Variants in EVC observed in about 807,000 individuals in gnomAD.
EVC encodes the protein EvC ciliary complex subunit 1.
Under a neutral mutation model 118.9 loss-of-function variants are expected in EVC, and 116 were observed. That is an observed-to-expected ratio of 0.98 (90% CI 0.84 to 1.14). The LOEUF (loss-of-function observed/expected upper bound fraction) is 1.14, where lower values mean the gene tolerates loss of function less well. EVC is among the 50% of genes most tolerant of loss of function. The pLI, the probability that EVC is intolerant of heterozygous loss-of-function variation, is 0.00. For missense variants in EVC, 1,401 were observed against 1,246.4 expected (o/e 1.12, Z -1.87); for synonymous variants, 619 against 534.7 (o/e 1.16, Z -2.18).
intron 3 of EVC, among the ~76,000 whole-genome samples, chr4:5,730,570 C>T (rs1317230997): frequency 6.6e-6 from 1 of 152,032 alleles, no homozygotes. Context: ...AGAGCGTCAG[C>T]CCCACCCTGG....
At chr4:5,729,524 G>T in intron 3 of EVC, 134 bp downstream of exon 3, 2 of 876,496 alleles carry the variant, frequency 2.3e-6, no homozygotes, top group Admixed American at 2.0e-5. Flanking sequence ...TTTTAGTAGG[G>T]ATAGTTTTGA....
chr4:5,811,395 G>A lies in EVC; in HGVS notation c.*358G>A, dbSNP rs1417064402. On this transcript the variant is annotated 3_prime_UTR_variant, in exon 21 of 21. Coordinates refer to ENST00000264956, the MANE Select transcript of EVC (RefSeq NM_153717.3). ...TCTGGAATCCCTGGCCCAAAGGCCT[G>A]TCTGGGCCCATCTGGGGCTGAGGAC... is the stretch of plus-strand genomic sequence containing the variant. 3 of 335,228 alleles carry A rather than the reference G, an allele frequency of 8.9e-6. No individual in the cohort carries two copies. Among genetic ancestry groups the A allele is most frequent in the Non-Finnish European group, 1.7e-5 (3 of 175,904 alleles). The allele number at this position is 335,228 out of a possible 1,614,324, so 20.8% of individuals were successfully genotyped here. A position where few individuals can be genotyped will look rare whatever the true frequency, so the allele number is the denominator to read the frequency against.
chr4:5,721,629 A>G (rs1371525029), intron 2 of EVC, among the ~76,000 whole-genome samples: 1 of 152,142 alleles, frequency 6.6e-6, no homozygotes, highest in Non-Finnish European at 1.5e-5. Flanking sequence ...GCATTTTGGG[A>G]GGCTGAGGCG....
At chr4:5,767,397 G>T (rs2152172865) in intron 11 of EVC, among the ~76,000 whole-genome samples, 1 of 146,380 alleles carries the variant, frequency 6.8e-6, no homozygotes, top group Admixed American at 6.8e-5. Flanking sequence ...CCAGAGGCAG[G>T]CAGGCCTCCT....
chr4:5,725,805 A>G (rs1295937846), intron 2 of EVC, among the ~76,000 whole-genome samples: 1 of 152,122 alleles, frequency 6.6e-6, no homozygotes, highest in Non-Finnish European at 1.5e-5. Flanking sequence ...TGTGTCCTGA[A>G]TGGTATTGCC....
chr4:5,717,533 G>T (rs570417643), intron 1 of EVC, among the ~76,000 whole-genome samples: 1 of 152,136 alleles, frequency 6.6e-6, no homozygotes, highest in African/African-American at 2.4e-5. Context: ...ATCTGACTGG[G>T]TTCTTCTTTG....
At chr4:5,786,110 G>A (rs957654899) in intron 12 of EVC, among the ~76,000 whole-genome samples, 2 of 152,204 alleles carry the variant, frequency 1.3e-5, no homozygotes, top group African/African-American at 2.4e-5. Flanking sequence ...CTGACCTCTT[G>A]CAACTCTGTG....
intron 11 of EVC, among the ~76,000 whole-genome samples, chr4:5,783,284 G>A (rs1415472552): frequency 1.3e-5 from 2 of 152,062 alleles, no homozygotes; most frequent in Non-Finnish European, 2.9e-5. Context: ...GCATGCATAT[G>A]TGTATGAGTA....
chr4:5,824,577 A>C, the EVC span: 1 of 970,730 alleles, frequency 1.0e-6, no homozygotes, highest in African/African-American at 1.8e-5. Flanking sequence ...TCCATTGACC[A>C]AATCCGGCCC....
chr4:5,818,025 C>T (rs550001524), downstream of EVC, among the ~76,000 whole-genome samples: 9 of 152,302 alleles, frequency 5.9e-5, no homozygotes, highest in African/African-American at 1.7e-4. Context: ...CAAATCTCAT[C>T]TTGAATTGTA....
At chr4:5,788,776 T>A (rs527385484) in intron 12 of EVC, among the ~76,000 whole-genome samples, 2 of 152,262 alleles carry the variant, frequency 1.3e-5, no homozygotes, top group South Asian at 4.1e-4. Flanking sequence ...CTGCTTTACC[T>A]CCATTCTCAA....
Position 5,812,031 on chromosome 4 carries a change from C to T in EVC, c.*994C>T, listed in dbSNP as rs547970729. Reference sequence around the variant, plus strand: ...GACAGAAACTTCCAGACCAGCCCCTCTCACCACAGCCAGGAGAGGCCTTTA... The same window carrying T: ...GACAGAAACTTCCAGACCAGCCCCTTTCACCACAGCCAGGAGAGGCCTTTA... On this transcript the variant is annotated 3_prime_UTR_variant, in exon 21 of 21. Coordinates refer to ENST00000264956, the MANE Select transcript of EVC (RefSeq NM_153717.3). 5.8e-4 allele frequency: 96 copies of T among 166,622 alleles called. No homozygotes were observed. Among genetic ancestry groups the T allele is most frequent in the African/African-American group, 2.3e-3 (92 of 40,758 alleles). The allele number at this position is 166,622 out of a possible 1,614,324, so 10.3% of individuals were successfully genotyped here.
intron 11 of EVC, among the ~76,000 whole-genome samples, chr4:5,779,011 T>G (rs1454796988): frequency 2.6e-5 from 4 of 152,318 alleles, no homozygotes; most frequent in Middle Eastern, 6.8e-3. Context: ...TTGAATTGAT[T>G]TTTGTATAAG....
At chr4:5,803,302 C>G (rs1681042811) in intron 16 of EVC, among the ~76,000 whole-genome samples, 1 of 152,222 alleles carries the variant, frequency 6.6e-6, no homozygotes, top group Admixed American at 6.5e-5. Flanking sequence ...TGTTTCTCCT[C>G]TCAGCTGAGC....
At chr4:5,814,359 TACTCCCCCAGGGTGAGTGC>T (rs1319794167), downstream of EVC, 2 of 152,230 alleles carry the variant, frequency 1.3e-5, no homozygotes, top group African/African-American at 4.8e-5. Context: ...CGGTTTTTTG[TACTCCCCCAGGGTGAGTGC>T]ACTCTCCCAG....
At chr4:5,783,123 C>A (rs1735879325) in intron 11 of EVC, among the ~76,000 whole-genome samples, 1 of 151,756 alleles carries the variant, frequency 6.6e-6, no homozygotes, top group Non-Finnish European at 1.5e-5. Context: ...TCTATGTGTG[C>A]AAGTATGTAT....
chr4:5,805,309 A>G (rs989755544), intron 17 of EVC, among the ~76,000 whole-genome samples: 2 of 152,178 alleles, frequency 1.3e-5, no homozygotes, highest in Admixed American at 6.5e-5. Context: ...AGCCCAAGCC[A>G]TGTAGACTGC....
At chr4:5,809,324 A>C (rs753992651) in intron 18 of EVC, among the ~76,000 whole-genome samples, 194 bp from the exon 19 acceptor site, 1 of 152,194 alleles carries the variant, frequency 6.6e-6, no homozygotes, top group Non-Finnish European at 1.5e-5. Flanking sequence ...ACAGTTATGC[A>C]GCAGGAGCTG....
intron 11 of EVC, among the ~76,000 whole-genome samples, chr4:5,781,555 G>C (rs1308958138): frequency 6.6e-6 from 1 of 152,088 alleles, no homozygotes; most frequent in Admixed American, 6.5e-5. Context: ...AAAGCTTCTG[G>C]GCTGGGCGCG....
Sources: gnomAD v4.1 joint callset for allele counts (sites outside exome capture counted in the v4.1 genomes callset) on GRCh38, gnomAD v4.1.1 for gene constraint, MANE v1.5 for transcripts, NCBI Gene and HGNC (gene_info 2026-07-23, HGNC 2026-07-21) for gene names.